Variants in NELL1 observed in about 807,000 individuals in gnomAD.
NELL1 encodes protein kinase C-binding protein NELL1.
NELL1 carries 76 observed loss-of-function variants against 107.4 expected under a neutral mutation model. The ratio of observed to expected loss-of-function variants is 0.71; its 90% CI spans 0.59 to 0.86. The LOEUF is 0.86. NELL1 is among the 40% of genes least tolerant of loss of function. The pLI, the probability that NELL1 is intolerant of heterozygous loss-of-function variation, is 0.00. For synonymous variants in NELL1, 353 were observed against 341.2 expected (o/e 1.03, Z -0.38); for missense variants, 1,024 against 1,005.5 (o/e 1.02, Z -0.25).
chr11:21,119,957 G>A (rs982810647), intron 13 of NELL1, among the ~76,000 whole-genome samples: 1 of 152,114 alleles, frequency 6.6e-6, no homozygotes, highest in African/African-American at 2.4e-5. Flanking sequence ...CGATAAGACA[G>A]ATACTTCACA....
At chr11:20,921,614 A>G (rs1338639590) in intron 7 of NELL1, among the ~76,000 whole-genome samples, 1 of 152,100 alleles carries the variant, frequency 6.6e-6, no homozygotes, top group Non-Finnish European at 1.5e-5. Context: ...GGATGGAGAT[A>G]TTACCAAGAA....
chr11:20,940,089 T>G (rs1850816759), intron 10 of NELL1, among the ~76,000 whole-genome samples: 1 of 152,108 alleles, frequency 6.6e-6, no homozygotes, highest in African/African-American at 2.4e-5. Context: ...TCTTTACTTT[T>G]CTGTCTAGCA....
intron 12 of NELL1, among the ~76,000 whole-genome samples, chr11:21,099,140 A>T (rs1854731928): frequency 6.6e-6 from 1 of 151,486 alleles, no homozygotes; most frequent in Non-Finnish European, 1.5e-5. Context: ...GAGTTTTTTT[A>T]AACTTAGGAG....
intron 13 of NELL1, among the ~76,000 whole-genome samples, chr11:21,119,426 G>C (rs919983080): frequency 6.7e-6 from 1 of 150,000 alleles, no homozygotes; most frequent in Non-Finnish European, 1.5e-5. Context: ...GGATAATAAA[G>C]CTCCAAGAGT....
At chr11:21,080,664 C>T (rs1172790748) in intron 12 of NELL1, among the ~76,000 whole-genome samples, 1 of 152,080 alleles carries the variant, frequency 6.6e-6, no homozygotes, top group African/African-American at 2.4e-5. Context: ...TATCTGTGCA[C>T]ATGGTACATG....
chr11:21,271,244 A>G (rs1334693135), intron 14 of NELL1, among the ~76,000 whole-genome samples: 3 of 152,164 alleles, frequency 2.0e-5, no homozygotes, highest in African/African-American at 7.2e-5. Context: ...ATGAACCTCC[A>G]GTCAGGCTAA....
chr11:21,517,527 G>C (rs1340979362), intron 15 of NELL1, among the ~76,000 whole-genome samples: 1 of 152,072 alleles, frequency 6.6e-6, no homozygotes, highest in Admixed American at 6.6e-5. Context: ...TTGCTTGCCT[G>C]GATTCTGTAA....
intron 3 of NELL1, among the ~76,000 whole-genome samples, chr11:20,810,571 A>G (rs1018025903): frequency 2.0e-5 from 3 of 152,212 alleles, no homozygotes; most frequent in Admixed American, 2.0e-4. Flanking sequence ...ATGGCTGAGT[A>G]ATATTCCATA....
intron 13 of NELL1, among the ~76,000 whole-genome samples, chr11:21,169,240 T>C (rs1231036428): frequency 6.6e-6 from 1 of 151,826 alleles, no homozygotes; most frequent in African/African-American, 2.4e-5. Flanking sequence ...AGGATGGATG[T>C]TGTTTAGGGT....
intron 9 of NELL1, 41 bp from the exon 10 acceptor site, chr11:20,937,745 C>A: frequency 6.7e-7 from 1 of 1,492,586 alleles, no homozygotes; most frequent in Non-Finnish European, 9.4e-7. Context: ...CATTTTGTGG[C>A]ACAGCAGGAC....
intron 14 of NELL1, among the ~76,000 whole-genome samples, chr11:21,333,240 T>C (rs369338384): frequency 6.6e-6 from 1 of 151,784 alleles, no homozygotes; most frequent in Non-Finnish European, 1.5e-5. Flanking sequence ...TGGGTGTTTC[T>C]CATTTAAGAC....
chr11:21,158,585 A>G (rs1856296408), intron 13 of NELL1, among the ~76,000 whole-genome samples: 1 of 152,140 alleles, frequency 6.6e-6, no homozygotes, highest in Admixed American at 6.5e-5. Context: ...TTGATTCTTC[A>G]TCTTACCTTG....
chr11:20,975,501 T>C (rs538276717), intron 12 of NELL1, among the ~76,000 whole-genome samples: 21 of 147,042 alleles, frequency 1.4e-4, no homozygotes, highest in South Asian at 4.2e-4. Context: ...ACATATTCAA[T>C]ATATTATATA....
At chr11:20,756,284 A>G (rs901516928) in intron 2 of NELL1, among the ~76,000 whole-genome samples, 1 of 152,100 alleles carries the variant, frequency 6.6e-6, no homozygotes, top group African/African-American at 2.4e-5. Flanking sequence ...ATCATGGGAG[A>G]TGATAGTTGC....
At chr11:20,981,630 A>G (rs1299146434) in intron 12 of NELL1, among the ~76,000 whole-genome samples, 1 of 152,194 alleles carries the variant, frequency 6.6e-6, no homozygotes, top group East Asian at 1.9e-4. Context: ...ATCTTTGACA[A>G]GTGCAGTTAA....
chr11:21,552,232 A>G (rs1856609075), intron 16 of NELL1, among the ~76,000 whole-genome samples: 1 of 151,612 alleles, frequency 6.6e-6, no homozygotes, highest in African/African-American at 2.4e-5. Context: ...GCACATGTAT[A>G]CATATGTAAC....
intron 5 of NELL1, among the ~76,000 whole-genome samples, chr11:20,906,571 A>G (rs1261937111): frequency 2.0e-5 from 3 of 152,114 alleles, no homozygotes; most frequent in African/African-American, 7.2e-5. Flanking sequence ...AGTATCTCTT[A>G]TGAATGTAGA....
chr11:20,696,218 A>G (rs1854613083), intron 2 of NELL1, among the ~76,000 whole-genome samples: 1 of 152,044 alleles, frequency 6.6e-6, no homozygotes, highest in African/African-American at 2.4e-5. Context: ...TATACTTTCA[A>G]ATACCCAACT....
At chr11:20,941,130 C>T (rs374169646) in intron 10 of NELL1, among the ~76,000 whole-genome samples, 128 of 152,066 alleles carry the variant, frequency 8.4e-4, no homozygotes, top group African/African-American at 2.7e-3. Flanking sequence ...CAGAGTGAGA[C>T]GCCATCTCAA....
Sources: gnomAD v4.1 joint callset for allele counts (sites outside exome capture counted in the v4.1 genomes callset) on GRCh38, gnomAD v4.1.1 for gene constraint, MANE v1.5 for transcripts, NCBI Gene and HGNC (gene_info 2026-07-23, HGNC 2026-07-21) for gene names.